Variants in LRRC37A3 observed in about 807,000 individuals in gnomAD.
LRRC37A3 encodes the protein leucine rich repeat containing 37 member A3.
In LRRC37A3, 25 loss-of-function variants were observed where a neutral mutation model predicts 106.2. The observed-to-expected ratio is 0.24, with a 90% CI of 0.17 to 0.33. The LOEUF is 0.33. LRRC37A3 is among the 10% of genes least tolerant of loss of function. The pLI is 1.00. For synonymous variants in LRRC37A3, 305 were observed against 635.8 expected (o/e 0.48, Z 7.83); for missense variants, 712 against 1,644.9 (o/e 0.43, Z 9.81).
At chr17:64,863,879 T>C (rs190026552) in intron 10 of LRRC37A3, among the ~76,000 whole-genome samples, 1 of 152,012 alleles carries the variant, frequency 6.6e-6, no homozygotes, top group African/African-American at 2.4e-5. Flanking sequence ...TTATACCTCA[T>C]TGCAGCCTCA....
intron 8 of LRRC37A3, among the ~76,000 whole-genome samples, chr17:64,876,142 T>TTA (rs1385116676): frequency 1.3e-5 from 2 of 152,154 alleles, no homozygotes; most frequent in African/African-American, 4.8e-5. Flanking sequence ...AGTACAGGGA[T>TTA]TATAGGTATG....
At chr17:64,881,258 T>C in intron 8 of LRRC37A3, 2 of 698,394 alleles carry the variant, frequency 2.9e-6, no homozygotes, top group Non-Finnish European at 5.2e-6. Flanking sequence ...TTTTCTTTTT[T>C]TTGAGATGAA....
chr17:64,860,624 G>A lies in LRRC37A3; in HGVS notation c.3522C>T (p.Ile1174=). The A allele has an allele frequency of 1.9e-6, 3 of 1,613,898 alleles. No individual in the cohort carries two copies. Among genetic ancestry groups the A allele is most frequent in the Non-Finnish European group, 1.7e-6 (2 of 1,179,854 alleles). Residue 1174 remains isoleucine (I), a synonymous_variant, in exon 12 of 15, where the codon ATC becomes ATT. Coordinates refer to ENST00000584306, the MANE Select transcript of LRRC37A3 (RefSeq NM_199340.5). ...CTACCTCTTTGAAGTGCCTTTTCTG[G>A]ATGCTCCTTGGGCCCATGAGGACTC... The part of the protein sequence containing the change: ...LNRVLMGPRS[I]QKRHFKEVGR...
Position 64,896,672 on chromosome 17 carries a change from G to A in LRRC37A3, c.586C>T (p.Pro196Ser). ...TCTGACTTCACCCGGAGTTCTGGAG[G>A]CAGGCTACCGGGATACGGTGTATCT... is the stretch of plus-strand genomic sequence containing the variant. ...STDTPYPGSL[P>S]PELRVKSDEP... is the part of the protein sequence containing the mutation. The change falls in exon 4 of 15, where the codon CCT (proline) becomes TCT (serine). Residue 196 changes from proline to serine, a missense_variant. Transcript: ENST00000584306. 6.3e-7 allele frequency: 1 copy of A among 1,592,688 alleles called. No homozygotes were observed. Among genetic ancestry groups the A allele is most frequent in the Admixed American group, 1.7e-5 (1 of 59,496 alleles).
intron 8 of LRRC37A3, among the ~76,000 whole-genome samples, chr17:64,878,571 A>G (rs1973588840): frequency 6.6e-6 from 1 of 152,246 alleles, no homozygotes; most frequent in African/African-American, 2.4e-5. Flanking sequence ...GCTCATATAC[A>G]CATAAAAATG....
chr17:64,881,604 A>G lies in LRRC37A3; in HGVS notation c.2906+4482T>C, dbSNP rs528121137. Among the ~76,000 whole-genome samples, 211 of 122,586 alleles carry G rather than the reference A, an allele frequency of 1.7e-3. 3 individuals are homozygous for G. The highest frequency in any genetic ancestry group is 6.7e-3 in the African/African-American group (199 of 29,740). 80.4% of individuals were successfully genotyped at this position (122,586 alleles called of 152,430 possible). A position where few individuals can be genotyped will look rare whatever the true frequency, so the allele number is the denominator to read the frequency against. On this transcript the variant is annotated intron_variant, in intron 8 of 14. Coordinates refer to ENST00000584306, the MANE Select transcript of LRRC37A3 (RefSeq NM_199340.5). ...TAACCTTGAAGAAGACTCCCTTGCA[A>G]TGAGCAACAACAGAAGAAGCAAGGG... is the stretch of plus-strand genomic sequence containing the variant.
chr17:64,878,968 G>A (rs141519802), intron 8 of LRRC37A3, among the ~76,000 whole-genome samples: 42 of 152,320 alleles, frequency 2.8e-4, no homozygotes, highest in Admixed American at 2.7e-3. Context: ...TATAGTGATG[G>A]CTCCATACAA....
At chr17:64,854,707 C>G (rs1011357803) in intron 14 of LRRC37A3, 63 bp from the exon 15 acceptor site, 2 of 1,612,154 alleles carry the variant, frequency 1.2e-6, no homozygotes, top group Admixed American at 1.7e-5. Flanking sequence ...GCTTCTCACC[C>G]CCTCCTCATT....
At chr17:64,873,735 T>C (rs1299266324) in intron 8 of LRRC37A3, among the ~76,000 whole-genome samples, 2 of 151,630 alleles carry the variant, frequency 1.3e-5, no homozygotes, top group Non-Finnish European at 2.9e-5. Context: ...ATTGAGATTG[T>C]TGACTCTGAG....
intron 1 of LRRC37A3, 92 bp downstream of exon 1, chr17:64,919,339 G>T (rs78402925): frequency 1.5e-5 from 5 of 333,256 alleles, no homozygotes; most frequent in Non-Finnish European, 2.6e-5. Context: ...GGCCGGGGCC[G>T]GGTGGGGAGG....
chr17:64,855,286 A>AT (rs1318997489), intron 14 of LRRC37A3, among the ~76,000 whole-genome samples: 2 of 151,124 alleles, frequency 1.3e-5, no homozygotes, highest in African/African-American at 2.4e-5. Flanking sequence ...AAGGACTCAC[A>AT]TATCCTACCT....
chr17:64,916,216 T>A (rs1974697342), intron 2 of LRRC37A3, among the ~76,000 whole-genome samples: 1 of 151,580 alleles, frequency 6.6e-6, no homozygotes, highest in African/African-American at 2.4e-5. Flanking sequence ...CCATCCTGGC[T>A]AACATGGTGA....
At chr17:64,893,801 C>G (rs1445829488) in intron 4 of LRRC37A3, among the ~76,000 whole-genome samples, 1 of 147,468 alleles carries the variant, frequency 6.8e-6, no homozygotes, top group Non-Finnish European at 1.5e-5. Flanking sequence ...AGGCACCCAC[C>G]ACCATGCCTG....
At chr17:64,875,477 G>A (rs192967801) in intron 8 of LRRC37A3, among the ~76,000 whole-genome samples, 9 of 152,206 alleles carry the variant, frequency 5.9e-5, no homozygotes, top group Admixed American at 3.9e-4. Context: ...GAGTACTAAC[G>A]TGAATCTACA....
At chr17:64,897,808 G>A in intron 3 of LRRC37A3, 154 bp from the exon 4 acceptor site, 1 of 212,038 alleles carries the variant, frequency 4.7e-6, no homozygotes, top group South Asian at 8.6e-5. Flanking sequence ...CTGTAGGAGG[G>A]GTGTTGGGAG....
intron 8 of LRRC37A3, among the ~76,000 whole-genome samples, chr17:64,872,222 A>C (rs1410152206): frequency 6.6e-6 from 1 of 151,226 alleles, no homozygotes; most frequent in Non-Finnish European, 1.5e-5. Context: ...AAAAAAAAAA[A>C]AAAAAAAAAT....
chr17:64,897,797 T>C (rs1237998360), intron 3 of LRRC37A3, 143 bp from the exon 4 acceptor site: 2 of 233,672 alleles, frequency 8.6e-6, no homozygotes, highest in Non-Finnish European at 1.1e-5. Context: ...CTCCAAATTT[T>C]CTGTAGGAGG....
At chr17:64,874,906 T>C (rs1170373164) in intron 8 of LRRC37A3, among the ~76,000 whole-genome samples, 2 of 151,704 alleles carry the variant, frequency 1.3e-5, no homozygotes, top group Non-Finnish European at 2.9e-5. Flanking sequence ...AGCATGCTCG[T>C]TAAGAGTCAT....
intron 2 of LRRC37A3, among the ~76,000 whole-genome samples, chr17:64,902,789 TAAA>T (rs1974347658): frequency 1.6e-5 from 2 of 123,300 alleles, no homozygotes; most frequent in Non-Finnish European, 3.3e-5. Context: ...GGTTAAAAAA[TAAA>T]AATGCATCCA....
Sources: allele counts gnomAD v4.1 joint callset (sites outside exome capture counted in the v4.1 genomes callset), GRCh38; gene constraint gnomAD v4.1.1; transcripts MANE v1.5; gene names NCBI Gene and HGNC (gene_info 2026-07-23, HGNC 2026-07-21).